Variants in SOX6 observed in about 807,000 individuals in gnomAD.
The protein encoded by SOX6 is transcription factor SOX-6.
In SOX6, 11 loss-of-function variants were observed where a neutral mutation model predicts 97.8. The ratio of observed to expected loss-of-function variants is 0.11; its 90% CI spans 0.07 to 0.19. The LOEUF is 0.19. SOX6 is among the 10% of genes least tolerant of loss of function. The probability of loss-of-function intolerance (pLI) is 1.00; values close to 1 mark genes in which losing one functional copy is unlikely to be tolerated. For synonymous variants in SOX6, 360 were observed against 371.4 expected, an observed-to-expected ratio of 0.97 and a Z score of 0.35; for missense variants, 810 against 1,039.5, an observed-to-expected ratio of 0.78 and a Z score of 3.04.
chr11:15,973,767 C>G lies in SOX6; in HGVS notation c.2184-655G>C, dbSNP rs182242840. On this transcript the variant is annotated intron_variant, in intron 15 of 15. Transcript: ENST00000683767. ...GATTAAGAGAGTTGGGAGTAAAGAG[C>G]AGTGAGACCTCTGCAACTCAACAGA... Among the ~76,000 whole-genome samples the G allele has an allele frequency of 6.6e-5, 10 of 152,258 alleles. No homozygotes were observed. The East Asian group carries it at 1.9e-3, about 29-fold the overall frequency.
chr11:16,162,849 G>A (rs897100898), intron 6 of SOX6, among the ~76,000 whole-genome samples: 1 of 152,074 alleles, frequency 6.6e-6, no homozygotes, highest in African/African-American at 2.4e-5. Flanking sequence ...CACGCTTTGT[G>A]GTTGTGACCA....
At chr11:16,543,753 A>C (rs760133226) in intron 4 of SOX6, among the ~76,000 whole-genome samples, 30 of 152,222 alleles carry the variant, frequency 2.0e-4, no homozygotes, top group Non-Finnish European at 4.0e-4. Context: ...ACTCACTAAA[A>C]TAGAAATTAG....
At chr11:16,270,607 T>C (rs1394870583) in intron 3 of SOX6, among the ~76,000 whole-genome samples, 1 of 149,146 alleles carries the variant, frequency 6.7e-6, no homozygotes, top group African/African-American at 2.5e-5. Flanking sequence ...CAAGTGCCCA[T>C]CAATAGATGA....
chr11:16,437,204 G>C (rs1859393769), intron 1 of SOX6, among the ~76,000 whole-genome samples: 1 of 151,804 alleles, frequency 6.6e-6, no homozygotes, highest in Admixed American at 6.6e-5. Context: ...AAGAGCTCAA[G>C]GCTGAAGGGA....
intron 6 of SOX6, among the ~76,000 whole-genome samples, chr11:16,141,687 C>T (rs537373863): frequency 5.3e-5 from 8 of 152,284 alleles, no homozygotes; most frequent in South Asian, 4.1e-4. Flanking sequence ...TCTTAGCAAA[C>T]GGCACACCAG....
At chr11:16,040,821 G>A (rs1011588875) in intron 12 of SOX6, among the ~76,000 whole-genome samples, 3 of 152,002 alleles carry the variant, frequency 2.0e-5, no homozygotes, top group African/African-American at 4.8e-5. Flanking sequence ...CAGTAATACC[G>A]ACATCCCTGA....
intron 15 of SOX6, among the ~76,000 whole-genome samples, chr11:15,984,156 TAG>T (rs1853754231): frequency 1.3e-5 from 2 of 152,290 alleles, no homozygotes; most frequent in Admixed American, 1.3e-4. Context: ...TAGTATACAC[TAG>T]ATAGTCAATA....
intron 1 of SOX6, among the ~76,000 whole-genome samples, chr11:16,367,527 T>G (rs931813097): frequency 6.6e-6 from 1 of 152,172 alleles, no homozygotes; most frequent in Non-Finnish European, 1.5e-5. Context: ...AAAGTACAGA[T>G]AGTACTGCGT....
chr11:16,516,088 G>A (rs1289477483), intron 4 of SOX6, among the ~76,000 whole-genome samples: 2 of 150,552 alleles, frequency 1.3e-5, no homozygotes, highest in African/African-American at 2.4e-5. Context: ...TGTGAAGAAA[G>A]GCATTGGTAG....
chr11:16,606,953 C>T (rs1385226400), intron 4 of SOX6, among the ~76,000 whole-genome samples: 3 of 152,116 alleles, frequency 2.0e-5, no homozygotes, highest in Non-Finnish European at 4.4e-5. Flanking sequence ...GGCGGGCGCC[C>T]GGGCCCCTTT....
At chr11:16,121,484 A>T (rs1476669320) in intron 6 of SOX6, among the ~76,000 whole-genome samples, 1 of 152,004 alleles carries the variant, frequency 6.6e-6, no homozygotes, top group Non-Finnish European at 1.5e-5. Context: ...AAAGTGCCTT[A>T]AAGACATCTA....
chr11:16,057,395 T>C (rs1451348127), intron 9 of SOX6, among the ~76,000 whole-genome samples: 1 of 152,194 alleles, frequency 6.6e-6, no homozygotes, highest in Non-Finnish European at 1.5e-5. Context: ...TTTGTTTTCA[T>C]AATTTTTATG....
chr11:16,486,718 G>A (rs757536138), intron 4 of SOX6, among the ~76,000 whole-genome samples: 2 of 151,804 alleles, frequency 1.3e-5, no homozygotes, highest in Non-Finnish European at 2.9e-5. Flanking sequence ...AAGATTGGCC[G>A]AGCATGATAG....
intron 6 of SOX6, among the ~76,000 whole-genome samples, chr11:16,139,440 A>T (rs1850069692): frequency 6.6e-6 from 1 of 152,222 alleles, no homozygotes; most frequent in Admixed American, 6.5e-5. Flanking sequence ...ATTCATAAAT[A>T]CATCAGGTCA....
chr11:16,518,671 T>C (rs761062435), intron 4 of SOX6, among the ~76,000 whole-genome samples: 2 of 152,188 alleles, frequency 1.3e-5, no homozygotes, highest in Non-Finnish European at 2.9e-5. Flanking sequence ...AAGAAATTAA[T>C]ATGAACACAT....
intron 4 of SOX6, among the ~76,000 whole-genome samples, chr11:16,502,703 A>G (rs1417183441): frequency 6.6e-6 from 1 of 152,188 alleles, no homozygotes; most frequent in Non-Finnish European, 1.5e-5. Flanking sequence ...ATGAAGGAAG[A>G]CTATGTGATC....
intron 1 of SOX6, among the ~76,000 whole-genome samples, chr11:16,427,721 T>G (rs1265848307): frequency 4.6e-5 from 7 of 152,302 alleles, no homozygotes; most frequent in African/African-American, 1.7e-4. Flanking sequence ...TCTTAATCCA[T>G]TCTATCATTG....
At chr11:16,488,923 C>A (rs895112353) in intron 4 of SOX6, among the ~76,000 whole-genome samples, 2 of 152,140 alleles carry the variant, frequency 1.3e-5, no homozygotes, top group Non-Finnish European at 2.9e-5. Context: ...GGCAAGGAAA[C>A]AGACATACAA....
chr11:16,230,508 G>A (rs1481216589), intron 4 of SOX6, among the ~76,000 whole-genome samples: 1 of 151,564 alleles, frequency 6.6e-6, no homozygotes, highest in Non-Finnish European at 1.5e-5. Context: ...ACAAGAGTAA[G>A]CAAAAATATT....
Sources: gnomAD v4.1 joint callset for allele counts (sites outside exome capture counted in the v4.1 genomes callset) on GRCh38, gnomAD v4.1.1 for gene constraint, MANE v1.5 for transcripts, NCBI Gene and HGNC (gene_info 2026-07-23, HGNC 2026-07-21) for gene names.